PUDP: variants seen among roughly 807,000 people sequenced by gnomAD.
PUDP encodes the protein pseudouridine-5'-phosphatase.
Under a neutral mutation model 9.4 loss-of-function variants are expected in PUDP, and 8 were observed. The observed-to-expected ratio is 0.85, with a 90% CI of 0.50 to 1.53. The LOEUF (loss-of-function observed/expected upper bound fraction) is 1.53. Among genes scored for constraint, PUDP ranks in the 40% most tolerant of loss-of-function variants. The pLI, the probability that PUDP is intolerant of heterozygous loss-of-function variation, is 0.00. For missense variants in PUDP, 188 were observed against 189.7 expected (o/e 0.99, Z 0.05); for synonymous variants, 99 against 80.7 (o/e 1.23, Z -1.22).
intron 3 of PUDP, among the ~76,000 whole-genome samples, chrX:6,842,503 G>A (rs1404123626): frequency 4.5e-5 from 5 of 111,864 alleles, no homozygotes; most frequent in Non-Finnish European, 9.4e-5. Flanking sequence ...TGTCTTAGCA[G>A]TATTTAATAG....
intron 1 of PUDP, among the ~76,000 whole-genome samples, chrX:7,110,463 T>C (rs1932013109): frequency 8.9e-6 from 1 of 112,093 alleles, no homozygotes; most frequent in African/African-American, 3.3e-5. Flanking sequence ...TTCAATTTTA[T>C]AACTGTGAGT....
intron 2 of PUDP, among the ~76,000 whole-genome samples, chrX:6,977,352 T>C (rs1223172998): frequency 8.9e-6 from 1 of 111,823 alleles, no homozygotes; most frequent in Non-Finnish European, 1.9e-5. Context: ...TTTGCTGCCC[T>C]GCAAGTCTGA....
At chrX:6,884,662 G>A (rs777694171) in intron 3 of PUDP, among the ~76,000 whole-genome samples, 3 of 111,716 alleles carry the variant, frequency 2.7e-5, no homozygotes, top group South Asian at 3.8e-4. Context: ...CTCTCCAACC[G>A]AAAGCGCTAA....
At chrX:6,747,076 T>G (rs1760612513) in intron 3 of PUDP, among the ~76,000 whole-genome samples, 1 of 111,655 alleles carries the variant, frequency 9.0e-6, no homozygotes, top group Non-Finnish European at 1.9e-5. Flanking sequence ...CACCAACATC[T>G]ATTGTTTCTT....
intron 3 of PUDP, among the ~76,000 whole-genome samples, chrX:6,823,398 G>A (rs1926377352): frequency 9.0e-6 from 1 of 111,676 alleles, no homozygotes; most frequent in South Asian, 3.8e-4. Flanking sequence ...ATCTAGGAGA[G>A]CTTGAGACTC....
intron 3 of PUDP, among the ~76,000 whole-genome samples, chrX:6,934,515 C>T (rs1248788946): frequency 9.1e-6 from 1 of 110,024 alleles, no homozygotes; most frequent in Non-Finnish European, 1.9e-5. Context: ...CCGGTACCAG[C>T]CGCTGCAAAA....
At chrX:7,111,432 T>C (rs1932046025) in intron 1 of PUDP, among the ~76,000 whole-genome samples, 1 of 106,991 alleles carries the variant, frequency 9.3e-6, no homozygotes, top group Non-Finnish European at 1.9e-5. Context: ...TAACATACGA[T>C]GTTTATTGGA....
Position 7,105,603 on chromosome X carries a change from C to A in PUDP, c.280+17G>T. 1 of 1,164,029 alleles carries A rather than the reference C, an allele frequency of 8.6e-7. No homozygotes were observed. Among genetic ancestry groups the A allele is most frequent in the Non-Finnish European group, 1.2e-6 (1 of 862,148 alleles). ...ATAGTCACAAACATAACCCTGCAAA[C>A]AGCGAGGCAACCGCACCTGGCATGA... On this transcript the variant is annotated intron_variant, in intron 2 of 3. Transcript: ENST00000381077.
chrX:6,888,625 G>A (rs760163184), intron 3 of PUDP, among the ~76,000 whole-genome samples: 66 of 110,960 alleles, frequency 5.9e-4, no homozygotes, highest in African/African-American at 2.1e-3. Context: ...ACTCCAGCCC[G>A]GGCAACAGAG....
At chrX:6,967,220 C>T (rs5935066) in intron 3 of PUDP, among the ~76,000 whole-genome samples, 36,454 of 110,408 alleles carry the variant, frequency 0.33, 4,800 homozygotes, top group Non-Finnish European at 0.4. Context: ...CCACGCGGTT[C>T]CTCCCCCATG....
rs1431230669 is a variant in PUDP at position 6,967,026 on chromosome X, C to T, written c.*247+10107G>A. Reference sequence around the variant, plus strand: ...GCCTTCTCTCTGGACTGGAAAGAGACGGGCTGTGTCTAGGGAGGGTATGTA... The same window carrying T: ...GCCTTCTCTCTGGACTGGAAAGAGATGGGCTGTGTCTAGGGAGGGTATGTA... On this transcript the variant is annotated intron_variant and NMD_transcript_variant, in intron 3 of 3. Transcript: ENST00000655425. Among the ~76,000 whole-genome samples the T allele has an allele frequency of 2.7e-5, 3 of 111,345 alleles. 1 individual carries two copies. Among genetic ancestry groups the T allele is most frequent in the East Asian group, 5.7e-4 (2 of 3,517 alleles).
chrX:6,808,129 T>A (rs1005800064), intron 3 of PUDP, among the ~76,000 whole-genome samples: 1 of 111,247 alleles, frequency 9.0e-6, no homozygotes, highest in Non-Finnish European at 1.9e-5. Context: ...ATTAGTAGCA[T>A]GACCACATCT....
At chrX:6,928,054 C>A (rs1190886515) in intron 3 of PUDP, among the ~76,000 whole-genome samples, 2 of 107,746 alleles carry the variant, frequency 1.9e-5, no homozygotes, top group Non-Finnish European at 3.8e-5. Flanking sequence ...CCTGCCTCAG[C>A]CTCCCAAGTG....
intron 1 of PUDP, among the ~76,000 whole-genome samples, chrX:7,021,031 G>A (rs1415765339): frequency 1.8e-5 from 2 of 112,554 alleles, no homozygotes; most frequent in African/African-American, 6.5e-5. Flanking sequence ...CGCCAGGGCA[G>A]GGGCTTTCTG....
chrX:6,965,963 C>T (rs1287209104), intron 3 of PUDP, among the ~76,000 whole-genome samples: 1 of 111,111 alleles, frequency 9.0e-6, no homozygotes, highest in Non-Finnish European at 1.9e-5. Context: ...CTACCTTCTT[C>T]CACCGTTCGG....
At chrX:6,952,770 C>T (rs893291117) in intron 3 of PUDP, among the ~76,000 whole-genome samples, 6 of 111,503 alleles carry the variant, frequency 5.4e-5, no homozygotes, top group Non-Finnish European at 7.5e-5. Flanking sequence ...TGTGAGGACA[C>T]AGCAAGAAGG....
At chrX:6,832,987 T>TACACACAC (rs200319848) in intron 3 of PUDP, among the ~76,000 whole-genome samples, 1 of 106,306 alleles carries the variant, frequency 9.4e-6, no homozygotes, top group Non-Finnish European at 1.9e-5. Flanking sequence ...CTCTCTGACA[T>TACACACAC]ACACACACAC....
At chrX:6,720,920 T>C (rs1289030408) in intron 1 of PUDP, among the ~76,000 whole-genome samples, 1 of 111,179 alleles carries the variant, frequency 9.0e-6, no homozygotes, top group African/African-American at 3.3e-5. Context: ...AGACTTTCCC[T>C]TGCCCATCAG....
At chrX:6,853,446 T>C (rs1488413991) in intron 3 of PUDP, among the ~76,000 whole-genome samples, 1 of 52,473 alleles carries the variant, frequency 1.9e-5, no homozygotes, top group East Asian at 7.4e-4. Flanking sequence ...TCCCCCCTTT[T>C]GTGTGTGTTT....
Sources: allele counts gnomAD v4.1 joint callset (sites outside exome capture counted in the v4.1 genomes callset), GRCh38; gene constraint gnomAD v4.1.1; transcripts MANE v1.5; gene names NCBI Gene and HGNC (gene_info 2026-07-23, HGNC 2026-07-21).